The following ARMC3 variants were observed in gnomAD, a reference collection of about 807,000 sequenced individuals.
ARMC3 encodes armadillo repeat-containing protein 3.
ARMC3 carries 74 observed loss-of-function variants against 90.3 expected under a neutral mutation model. The ratio of observed to expected loss-of-function variants is 0.82; its 90% CI spans 0.68 to 0.99. The LOEUF is 0.99. Ranked by LOEUF, ARMC3 falls within the 50% of genes least tolerant of loss-of-function variation. The pLI is 0.00. For synonymous variants in ARMC3, 334 were observed against 361.8 expected (o/e 0.92, Z 0.87); for missense variants, 958 against 1,042.8 (o/e 0.92, Z 1.12).
intron 1 of ARMC3, among the ~76,000 whole-genome samples, chr10:22,929,158 G>A (rs1833827560): frequency 6.6e-6 from 1 of 151,782 alleles, no homozygotes; most frequent in Non-Finnish European, 1.5e-5. Context: ...CCTGGGAGGT[G>A]GAGGTTGCAA....
chr10:23,024,635 A>T (rs941558446), intron 16 of ARMC3, among the ~76,000 whole-genome samples: 1 of 152,196 alleles, frequency 6.6e-6, no homozygotes, highest in Non-Finnish European at 1.5e-5. Flanking sequence ...GATAAGCCAT[A>T]TTTGTACATT....
chr10:23,001,999 G>C lies in ARMC3; in HGVS notation c.1506G>C (p.Trp502Cys), dbSNP rs966310518. Residue 502 changes from tryptophan to cysteine, a missense_variant, in exon 12 of 19, where the codon TGG becomes TGC. Physicochemically the swap from Trp to Cys is radical, Grantham distance 215. Coordinates refer to ENST00000298032, the MANE Select transcript of ARMC3 (RefSeq NM_173081.5). ...ATGAAGTGAGGAAGCACGCCAGTTG[G>C]GCAGTGATGGTCTGTGCTGGTGACG... ...KNDEVRKHASWAVMVCAGDEL... is the reference protein window; with the variant it reads ...KNDEVRKHASCAVMVCAGDEL... 1.2e-6 allele frequency: 2 copies of C among 1,613,790 alleles called. No individual in the cohort carries two copies. Among genetic ancestry groups the C allele is most frequent in the African/African-American group, 2.7e-5 (2 of 74,888 alleles).
At chr10:22,992,844 T>C (rs1317075361) in intron 10 of ARMC3, among the ~76,000 whole-genome samples, 1 of 152,234 alleles carries the variant, frequency 6.6e-6, no homozygotes, top group East Asian at 1.9e-4. Context: ...GACCTGTTTA[T>C]CATAACGGCC....
At chr10:23,022,217 A>G (rs771079177) in intron 16 of ARMC3, among the ~76,000 whole-genome samples, 4 of 152,226 alleles carry the variant, frequency 2.6e-5, no homozygotes, top group Non-Finnish European at 4.4e-5. Flanking sequence ...ATTTTTACAT[A>G]CAATGTGAGG....
intron 8 of ARMC3, among the ~76,000 whole-genome samples, chr10:22,971,587 C>A (rs563662054): frequency 1.3e-5 from 2 of 151,604 alleles, no homozygotes; most frequent in Non-Finnish European, 2.9e-5. Flanking sequence ...ACTACAGGCA[C>A]GCACCACCAC....
intron 16 of ARMC3, among the ~76,000 whole-genome samples, chr10:23,019,015 G>C (rs1432034260): frequency 6.6e-6 from 1 of 152,252 alleles, no homozygotes; most frequent in African/African-American, 2.4e-5. Flanking sequence ...CCAGAGGGCT[G>C]TCCAGCCTCA....
chr10:23,037,309 C>T lies in ARMC3; in HGVS notation c.2449C>T (p.Arg817Cys), dbSNP rs1473023972. The T allele has an allele frequency of 8.7e-6, 14 of 1,608,744 alleles. No homozygotes were observed. The highest frequency in any genetic ancestry group is 3.3e-5 in the South Asian group (3 of 90,356). ...AATTGGCATTGGTTGCTCCCTAGTT[C>T]GCGGAGAGTACGGTAGAGCGTGGAA... ...DRIGIGCSLV[R>C]GEYGRAWNEV... The change falls in exon 19 of 19, where the codon CGC becomes TGC. Residue 817 changes from arginine to cysteine, a missense_variant. Coordinates refer to ENST00000298032, the MANE Select transcript of ARMC3 (RefSeq NM_173081.5).
rs1300986534 is a variant in ARMC3, at chr10:22,956,068, A to T, written c.292+136A>T. ...GTTCACAAAAACATTTTATCAGTATAATGCAGCAAATGTGTGATTTCACAT... is the reference window on the plus strand; with the variant it reads ...GTTCACAAAAACATTTTATCAGTATTATGCAGCAAATGTGTGATTTCACAT... On this transcript the variant is annotated intron_variant, in intron 4 of 18. Coordinates refer to ENST00000298032, the MANE Select transcript of ARMC3 (RefSeq NM_173081.5). 3.8e-6 allele frequency: 3 copies of T among 781,572 alleles called. No homozygotes were observed. In the Admixed American group the frequency reaches 9.8e-5, roughly 26 times the overall value. 48.4% of individuals were successfully genotyped at this position (781,572 alleles called of 1,614,324 possible).
At chr10:22,948,024 A>T (rs1033872537) in intron 3 of ARMC3, among the ~76,000 whole-genome samples, 3 of 152,190 alleles carry the variant, frequency 2.0e-5, no homozygotes, top group Admixed American at 6.5e-5. Context: ...TTAATAAACC[A>T]TTTCAAACTA....
At chr10:22,947,504 C>T (rs1834578693) in intron 3 of ARMC3, among the ~76,000 whole-genome samples, 1 of 152,110 alleles carries the variant, frequency 6.6e-6, no homozygotes, top group South Asian at 2.1e-4. Context: ...GTACAAAATA[C>T]CTAGCCAATG....
At chr10:22,998,480 T>C in intron 11 of ARMC3, 83 bp downstream of exon 11, 1 of 1,506,052 alleles carries the variant, frequency 6.6e-7, no homozygotes, top group Non-Finnish European at 8.9e-7. Flanking sequence ...TTTAAGTGAT[T>C]GAACCTACCT....
In ARMC3 at chr10:23,031,004, A is replaced by G. The variant is rs143703507; in HGVS notation, c.2246+208A>G. ...TAAGAATCAGAGATAGCAGCTGGAA[A>G]TTGCTTCAAGAAAAATGCCTGTCAT... On this transcript the variant is annotated intron_variant, in intron 17 of 18. Coordinates refer to ENST00000298032, the MANE Select transcript of ARMC3 (RefSeq NM_173081.5). 2.9e-3 allele frequency: 1,492 copies of G among 511,494 alleles called. 14 individuals carry two copies. The highest frequency in any genetic ancestry group is 0.026 in the African/African-American group (1,338 of 52,222). The allele number at this position is 511,494 out of a possible 1,614,324, so 31.7% of individuals were successfully genotyped here. A position where few individuals can be genotyped will look rare whatever the true frequency, so the allele number is the denominator to read the frequency against.
intron 18 of ARMC3, among the ~76,000 whole-genome samples, chr10:23,033,464 A>G (rs1839002025): frequency 1.3e-5 from 2 of 152,176 alleles, no homozygotes; most frequent in Non-Finnish European, 2.9e-5. Context: ...TTTATCAAGT[A>G]AAGAAGGAAA....
chr10:22,932,453 C>A (rs925375277), intron 2 of ARMC3, among the ~76,000 whole-genome samples: 2 of 152,164 alleles, frequency 1.3e-5, no homozygotes, highest in Non-Finnish European at 2.9e-5. Context: ...CTGGTGATGA[C>A]CACTGCACGT....
chr10:23,000,948 T>C (rs1018110915), intron 11 of ARMC3, among the ~76,000 whole-genome samples: 2 of 152,224 alleles, frequency 1.3e-5, no homozygotes, highest in Non-Finnish European at 2.9e-5. Context: ...AATAATTTTA[T>C]ACACGAGTGA....
intron 10 of ARMC3, among the ~76,000 whole-genome samples, chr10:22,991,713 T>C (rs1480298299): frequency 6.6e-6 from 1 of 152,190 alleles, no homozygotes. Context: ...TAGAGAATGA[T>C]ACAGGGCTTG....
chr10:22,932,168 T>A, intron 2 of ARMC3, 124 bp downstream of exon 2: 1 of 632,450 alleles, frequency 1.6e-6, no homozygotes, highest in Non-Finnish European at 2.6e-6. Flanking sequence ...AAAGTCTGAC[T>A]AATGATAAGA....
chr10:22,995,983 A>T (rs1282960757), intron 10 of ARMC3, among the ~76,000 whole-genome samples: 1 of 152,194 alleles, frequency 6.6e-6, no homozygotes, highest in Non-Finnish European at 1.5e-5. Context: ...AAAACCACCA[A>T]GTGACAAAGG....
intron 2 of ARMC3, among the ~76,000 whole-genome samples, chr10:22,937,322 C>T (rs1384730045): frequency 6.6e-6 from 1 of 152,156 alleles, no homozygotes. Context: ...TCCTCTGAGA[C>T]TTGTTCTTCT....
Sources: gnomAD v4.1 joint callset for allele counts (sites outside exome capture counted in the v4.1 genomes callset) on GRCh38, gnomAD v4.1.1 for gene constraint, MANE v1.5 for transcripts, NCBI Gene and HGNC (gene_info 2026-07-23, HGNC 2026-07-21) for gene names.